The following STAU2 variants were observed in gnomAD, a reference collection of about 807,000 sequenced individuals.
STAU2 encodes the protein double-stranded RNA-binding protein Staufen homolog 2.
Under a neutral mutation model 65.9 loss-of-function variants are expected in STAU2, and 20 were observed. The ratio of observed to expected loss-of-function variants is 0.30; its 90% CI spans 0.21 to 0.44. The LOEUF is 0.44. Among genes scored for constraint, STAU2 ranks in the 20% least tolerant of loss-of-function variants. The pLI is 1.00. For synonymous variants in STAU2, 232 were observed against 233.9 expected (o/e 0.99, Z 0.07); for missense variants, 558 against 683.9 (o/e 0.82, Z 2.05).
chr8:73,692,129 A>AG (rs1385666027), intron 4 of STAU2, among the ~76,000 whole-genome samples: 3 of 152,092 alleles, frequency 2.0e-5, no homozygotes, highest in South Asian at 2.1e-4. Flanking sequence ...GAGGTGCTGC[A>AG]GGGTGGCACA....
intron 9 of STAU2, among the ~76,000 whole-genome samples, chr8:73,610,270 G>A (rs940619060): frequency 2.5e-4 from 33 of 133,526 alleles, no homozygotes; most frequent in Non-Finnish European, 4.2e-4. Context: ...GTGAGACCCT[G>A]TTTAAAAAAA....
chr8:73,740,554 T>C (rs10106615), intron 1 of STAU2, among the ~76,000 whole-genome samples: 15,373 of 152,256 alleles, frequency 0.1, 1,024 homozygotes, highest in African/African-American at 0.19. Flanking sequence ...TCAATAGGAA[T>C]GGAGTATCTC....
At chr8:73,568,458 C>G (rs1028667371) in intron 12 of STAU2, among the ~76,000 whole-genome samples, 4 of 152,086 alleles carry the variant, frequency 2.6e-5, no homozygotes, top group African/African-American at 4.8e-5. Flanking sequence ...GGGGGCAAAG[C>G]TGGGTGTGGT....
At chr8:73,517,747 G>A (rs1822819970) in intron 13 of STAU2, among the ~76,000 whole-genome samples, 1 of 152,046 alleles carries the variant, frequency 6.6e-6, no homozygotes, top group Admixed American at 6.6e-5. Context: ...AAAAAAGTGG[G>A]AGAAGGAAAG....
At chr8:73,735,115 G>C (rs1251492418) in intron 3 of STAU2, among the ~76,000 whole-genome samples, 1 of 152,026 alleles carries the variant, frequency 6.6e-6, no homozygotes, top group Non-Finnish European at 1.5e-5. Context: ...ATTTTTTGTA[G>C]AGACAGGGTC....
chr8:73,422,784 A>T, intron 13 of STAU2, 82 bp from the exon 14 acceptor site: 9 of 1,029,736 alleles, frequency 8.7e-6, no homozygotes, highest in Non-Finnish European at 1.2e-5. Flanking sequence ...TGAGATAGAA[A>T]GACTCATTTT....
chr8:73,657,498 G>A (rs1264481639), intron 6 of STAU2, among the ~76,000 whole-genome samples: 4 of 152,100 alleles, frequency 2.6e-5, no homozygotes, highest in African/African-American at 9.7e-5. Context: ...AACAATGGTC[G>A]AAGGAGAATT....
At chr8:73,551,764 CT>C (rs998015052) in intron 13 of STAU2, 4 of 1,152,256 alleles carry the variant, frequency 3.5e-6, no homozygotes, top group Non-Finnish European at 4.3e-6. Context: ...ATGAAAAATG[CT>C]TAAAAAAGAA....
In STAU2 at chr8:73,673,124, C is replaced by A; in HGVS notation, c.393G>T (p.Arg131=). 2 of 1,588,848 alleles carry A rather than the reference C, an allele frequency of 1.3e-6. No individual in the cohort carries two copies. The highest frequency in any genetic ancestry group is 1.2e-5 in the South Asian group (1 of 86,150). ...ATACAAACCTCTGATTGTACATGCC[C>A]CGAAAGTTGTAATTAGCTCTATAAT... is the stretch of plus-strand genomic sequence containing the variant. ...FPNYRANYNF[R]GMYNQRYHCP... Residue 131 remains arginine (R), a synonymous_variant, in exon 6 of 15, where the codon CGG becomes CGT. Transcript: ENST00000524300.
chr8:73,685,313 C>T (rs1818720829), intron 5 of STAU2, among the ~76,000 whole-genome samples: 1 of 151,760 alleles, frequency 6.6e-6, no homozygotes, highest in South Asian at 2.1e-4. Flanking sequence ...GCAAGAATGG[C>T]CATAATTTAA....
At chr8:73,711,767 T>C (rs1278519531) in intron 3 of STAU2, among the ~76,000 whole-genome samples, 2 of 152,146 alleles carry the variant, frequency 1.3e-5, no homozygotes, top group Non-Finnish European at 2.9e-5. Flanking sequence ...TTCATAAAAG[T>C]TAACATGAAT....
At chr8:73,444,269 G>A (rs1818346938) in intron 13 of STAU2, among the ~76,000 whole-genome samples, 1 of 152,110 alleles carries the variant, frequency 6.6e-6, no homozygotes, top group African/African-American at 2.4e-5. Flanking sequence ...AGCCAGGCAT[G>A]GTGGTGCACA....
chr8:73,423,262 G>A (rs1029789602), intron 13 of STAU2, among the ~76,000 whole-genome samples: 1 of 152,214 alleles, frequency 6.6e-6, no homozygotes, highest in African/African-American at 2.4e-5. Flanking sequence ...CATGTTCTGG[G>A]GAGGCAGGCC....
At chr8:73,726,013 T>G (rs1361289555) in intron 3 of STAU2, among the ~76,000 whole-genome samples, 1 of 151,932 alleles carries the variant, frequency 6.6e-6, no homozygotes, top group African/African-American at 2.4e-5. Flanking sequence ...GTTAGGTTTT[T>G]TTTTTTTTTA....
chr8:73,529,980 A>C (rs1422457210), intron 13 of STAU2, among the ~76,000 whole-genome samples: 1 of 151,812 alleles, frequency 6.6e-6, no homozygotes, highest in Non-Finnish European at 1.5e-5. Flanking sequence ...GCTTCCTGAA[A>C]ACTTTTAAAA....
chr8:73,734,201 T>C (rs1281633658), intron 3 of STAU2, among the ~76,000 whole-genome samples: 3 of 150,332 alleles, frequency 2.0e-5, no homozygotes, highest in Non-Finnish European at 4.4e-5. Flanking sequence ...GTGGAATTTT[T>C]TGTGATTTTT....
rs1821562835 is a variant in STAU2, at chr8:73,720,456, T to C, written c.-17-11294A>G. ...CCCTAAATACTGTTTTAGCAATATC[T>C]CCTAATGTTGTATTGCTGTTGTCAT... On this transcript the variant is annotated intron_variant, in intron 3 of 14. Coordinates refer to ENST00000524300, the MANE Select transcript of STAU2 (RefSeq NM_001164380.2). Among the ~76,000 whole-genome samples the C allele has an allele frequency of 1.3e-5, 2 of 150,346 alleles. 1 individual carries two copies. Among genetic ancestry groups the C allele is most frequent in the South Asian group, 4.2e-4 (2 of 4,754 alleles).
intron 13 of STAU2, among the ~76,000 whole-genome samples, chr8:73,500,988 G>A (rs1462958856): frequency 6.6e-6 from 1 of 151,828 alleles, no homozygotes; most frequent in Non-Finnish European, 1.5e-5. Context: ...TATAACAGCA[G>A]TCTTCGAAGG....
intron 13 of STAU2, among the ~76,000 whole-genome samples, chr8:73,423,528 T>A (rs569345961): frequency 5.3e-5 from 8 of 152,310 alleles, no homozygotes; most frequent in African/African-American, 1.7e-4. Flanking sequence ...GAGTCTGAGA[T>A]GGGCATGAGC....
Sources: allele counts gnomAD v4.1 joint callset (sites outside exome capture counted in the v4.1 genomes callset), GRCh38; gene constraint gnomAD v4.1.1; transcripts MANE v1.5; gene names NCBI Gene and HGNC (gene_info 2026-07-23, HGNC 2026-07-21).